The following SFXN5 variants were observed in gnomAD, a reference collection of about 807,000 sequenced individuals.
SFXN5 encodes sideroflexin 5, also known as sideroflexin-5.
A neutral mutation model predicts 50.2 loss-of-function variants in SFXN5; 43 were observed. That is an observed-to-expected ratio of 0.86 (90% confidence interval 0.67 to 1.11). SFXN5 has a LOEUF of 1.11. Among genes scored for constraint, SFXN5 ranks in the 50% least tolerant of loss-of-function variants. The pLI, the probability that SFXN5 is intolerant of heterozygous loss-of-function variation, is 0.00. For missense variants in SFXN5, 463 were observed against 454.1 expected, an observed-to-expected ratio of 1.02 and a Z score of -0.18; for synonymous variants, 203 against 185.8, an observed-to-expected ratio of 1.09 and a Z score of -0.75.
At chr2:73,013,990 T>C (rs1269235347) in intron 6 of SFXN5, among the ~76,000 whole-genome samples, 1 of 152,164 alleles carries the variant, frequency 6.6e-6, no homozygotes, top group Non-Finnish European at 1.5e-5. Context: ...TTTTTAACAT[T>C]ATATAAATGA....
intron 6 of SFXN5, among the ~76,000 whole-genome samples, chr2:73,002,504 A>G (rs1319963177): frequency 6.6e-6 from 1 of 152,220 alleles, no homozygotes; most frequent in Non-Finnish European, 1.5e-5. Flanking sequence ...AATGTGCACA[A>G]CCATCCACAT....
At chr2:72,979,453 G>T (rs535284396) in intron 10 of SFXN5, among the ~76,000 whole-genome samples, 1 of 152,212 alleles carries the variant, frequency 6.6e-6, no homozygotes, top group African/African-American at 2.4e-5. Flanking sequence ...GGTCAACATG[G>T]CGAAACCCTG....
At chr2:73,003,393 C>G (rs748971541) in intron 6 of SFXN5, among the ~76,000 whole-genome samples, 1 of 152,224 alleles carries the variant, frequency 6.6e-6, no homozygotes, top group Non-Finnish European at 1.5e-5. Flanking sequence ...CCCAATAGCA[C>G]TCACTGCATT....
rs1671761970 is a variant in SFXN5 at position 72,944,928 on chromosome 2, C to G, written c.*94G>C. The G allele has an allele frequency of 8.5e-7, 1 of 1,175,152 alleles. No individual in the cohort carries two copies. Among genetic ancestry groups the G allele is most frequent in the African/African-American group, 1.5e-5 (1 of 65,596 alleles). The allele number at this position is 1,175,152 out of a possible 1,614,324, so 72.8% of individuals were successfully genotyped here. ...GGGGGCCCAGGACTGCTGGGGTTGGCGTGCTGCTCCCTGCAGGTGCAGCCG... is the reference window on the plus strand; with the variant it reads ...GGGGGCCCAGGACTGCTGGGGTTGGGGTGCTGCTCCCTGCAGGTGCAGCCG... On this transcript the variant is annotated 3_prime_UTR_variant, in exon 14 of 14. Transcript: ENST00000272433.
At chr2:73,011,686 T>C (rs1204906392) in intron 6 of SFXN5, among the ~76,000 whole-genome samples, 2 of 152,178 alleles carry the variant, frequency 1.3e-5, no homozygotes, top group East Asian at 1.9e-4. Flanking sequence ...TTTTGGTGTT[T>C]ATGGAAACAA....
At chr2:72,964,961 G>A (rs185008829) in intron 12 of SFXN5, among the ~76,000 whole-genome samples, 319 of 152,338 alleles carry the variant, frequency 2.1e-3, no homozygotes, top group African/African-American at 7.4e-3. Flanking sequence ...TCTGGCTAGG[G>A]CTCCACCCCC....
intron 2 of SFXN5, chr2:73,049,400 T>C (rs1178201691): frequency 6.6e-6 from 1 of 152,318 alleles, no homozygotes; most frequent in African/African-American, 2.4e-5. Context: ...TATAGGTGCA[T>C]GCCACGACAC....
intron 10 of SFXN5, among the ~76,000 whole-genome samples, chr2:72,983,072 G>T (rs1324378399): frequency 1.3e-5 from 2 of 152,258 alleles, no homozygotes; most frequent in African/African-American, 2.4e-5. Flanking sequence ...GCTGTGCTCT[G>T]ACCTGGGGGT....
At chr2:72,968,645 C>A in intron 11 of SFXN5, 112 bp from the exon 12 acceptor site, 1 of 896,950 alleles carries the variant, frequency 1.1e-6, no homozygotes, top group Non-Finnish European at 1.7e-6. Flanking sequence ...TCTGAATGGC[C>A]TTATTCATGG....
intron 6 of SFXN5, among the ~76,000 whole-genome samples, chr2:73,015,684 G>A (rs1413628108): frequency 6.6e-6 from 1 of 152,128 alleles, no homozygotes; most frequent in Non-Finnish European, 1.5e-5. Flanking sequence ...CAGTCACCTG[G>A]AAGATCAGAG....
intron 2 of SFXN5, among the ~76,000 whole-genome samples, chr2:73,055,602 T>C (rs1385446295): frequency 6.8e-6 from 1 of 147,962 alleles, no homozygotes; most frequent in African/African-American, 2.5e-5. Flanking sequence ...CTTTTTCTTT[T>C]TTTTTTTTTT....
intron 13 of SFXN5, among the ~76,000 whole-genome samples, chr2:72,958,147 A>G (rs1673313674): frequency 6.6e-6 from 1 of 152,040 alleles, no homozygotes; most frequent in Admixed American, 6.5e-5. Flanking sequence ...TCCCCATTAT[A>G]TGCCCCAGAG....
intron 7 of SFXN5, 135 bp from the exon 8 acceptor site, chr2:73,000,622 G>T: frequency 1.2e-6 from 1 of 815,306 alleles, no homozygotes. Flanking sequence ...CGCCCATGCT[G>T]CCGGTCAGCA....
At chr2:72,988,132 C>CA in intron 10 of SFXN5, 126 bp downstream of exon 10, 2 of 778,744 alleles carry the variant, frequency 2.6e-6, no homozygotes, top group South Asian at 3.8e-5. Context: ...CATATTACAC[C>CA]AATTCTCCCA....
At chr2:73,025,295 C>G (rs1047841830) in intron 3 of SFXN5, among the ~76,000 whole-genome samples, 2 of 152,126 alleles carry the variant, frequency 1.3e-5, no homozygotes, top group Non-Finnish European at 2.9e-5. Context: ...ACACCCTCCA[C>G]CCCAGTCGTA....
At chr2:72,952,161 C>A (rs1672603998) in intron 13 of SFXN5, among the ~76,000 whole-genome samples, 1 of 152,210 alleles carries the variant, frequency 6.6e-6, no homozygotes, top group Admixed American at 6.5e-5. Context: ...ACACTCCAGG[C>A]CTTCTGGGAC....
At chr2:72,989,369 G>A (rs537218367) in intron 9 of SFXN5, among the ~76,000 whole-genome samples, 20 of 152,248 alleles carry the variant, frequency 1.3e-4, no homozygotes, top group Non-Finnish European at 2.4e-4. Flanking sequence ...ATCTTTCTCT[G>A]TCTCAGTTTA....
At chr2:73,046,450 C>T (rs1444586416) in intron 2 of SFXN5, among the ~76,000 whole-genome samples, 1 of 151,304 alleles carries the variant, frequency 6.6e-6, no homozygotes, top group Non-Finnish European at 1.5e-5. Context: ...CTATTTTGTC[C>T]AGGAAAGCAA....
chr2:73,065,937 C>T lies in SFXN5; in HGVS notation c.102+5667G>A, dbSNP rs144007806. On this transcript the variant is annotated intron_variant, in intron 1 of 13. Transcript: ENST00000272433. ...TTTGTTTCCTGTCCTGGGGCCCCAA[C>T]ATGGCAAACATGGTGTCTGGGCCGG... Among the ~76,000 whole-genome samples, 171 of 152,230 alleles carry T rather than the reference C, an allele frequency of 1.1e-3. 2 individuals carry two copies. The highest frequency in any genetic ancestry group is 3.8e-3 in the African/African-American group (158 of 41,528).
Sources: gnomAD v4.1 joint callset for allele counts (sites outside exome capture counted in the v4.1 genomes callset) on GRCh38, gnomAD v4.1.1 for gene constraint, MANE v1.5 for transcripts, NCBI Gene and HGNC (gene_info 2026-07-23, HGNC 2026-07-21) for gene names.